CCDC69: variants seen among roughly 807,000 people sequenced by gnomAD.
CCDC69 encodes the protein coiled-coil domain-containing protein 69.
In CCDC69, 38 loss-of-function variants were observed where a neutral mutation model predicts 40.3. The observed-to-expected ratio is 0.94, with a 90% CI of 0.73 to 1.24. The LOEUF is 1.24. CCDC69 is among the 50% of genes most tolerant of loss of function. The probability of loss-of-function intolerance (pLI) is 0.00; values close to 1 mark genes in which losing one functional copy is unlikely to be tolerated. For missense variants in CCDC69, 389 were observed against 357.9 expected (o/e 1.09, Z -0.70); for synonymous variants, 141 against 138.9 (o/e 1.02, Z -0.11).
rs374011229 is a variant in CCDC69 at position 151,181,728 on chromosome 5, C to T, written c.*1709G>A. 4.6e-5 allele frequency: 7 copies of T among 152,324 alleles called. No individual in the cohort carries two copies. Among genetic ancestry groups the T allele is most frequent in the African/African-American group, 1.4e-4 (6 of 41,564 alleles). The allele number at this position is 152,324 out of a possible 1,614,324, so 9.4% of individuals were successfully genotyped here. ...TTTAGGTGTCCCCAAATAACTTGGC[C>T]ACCAATCATGTCTACTCCTGGACAT... On this transcript the variant is annotated 3_prime_UTR_variant, in exon 9 of 9. Transcript: ENST00000355417.
At chr5:151,184,245 C>A in intron 8 of CCDC69, 99 bp downstream of exon 8, 2 of 866,048 alleles carry the variant, frequency 2.3e-6, no homozygotes, top group South Asian at 2.8e-5. Flanking sequence ...CCTGGGCCCA[C>A]CTGTCAGTCC....
intron 4 of CCDC69, among the ~76,000 whole-genome samples, chr5:151,196,846 G>GT: frequency 6.6e-6 from 1 of 152,300 alleles, no homozygotes; most frequent in Non-Finnish European, 1.5e-5. Flanking sequence ...CAGAATGATC[G>GT]TATGACCCAG....
chr5:151,203,360 T>A (rs1371583080), intron 2 of CCDC69, among the ~76,000 whole-genome samples: 2 of 150,710 alleles, frequency 1.3e-5, no homozygotes, highest in Non-Finnish European at 3.0e-5. Flanking sequence ...TACAAAAAAA[T>A]TTAGGTGGGC....
At chr5:151,210,552 A>AAAAATT (rs1457817194) in intron 1 of CCDC69, 1 of 152,104 alleles carries the variant, frequency 6.6e-6, no homozygotes, top group African/African-American at 2.4e-5. Flanking sequence ...CCAAAAAATA[A>AAAAATT]AAAATTAAAA....
intron 1 of CCDC69, among the ~76,000 whole-genome samples, chr5:151,216,341 T>G (rs2114003788): frequency 6.6e-6 from 1 of 151,616 alleles, no homozygotes; most frequent in Non-Finnish European, 1.5e-5. Context: ...CTCCAGAGAA[T>G]GGACTAAAAT....
In CCDC69 at chr5:151,183,104, T is replaced by C. The variant is rs1200339438; in HGVS notation, c.*333A>G. 2 of 503,548 alleles carry C rather than the reference T, an allele frequency of 4.0e-6. No individual in the cohort carries two copies. Among genetic ancestry groups the C allele is most frequent in the South Asian group, 1.5e-5 (1 of 64,966 alleles). 31.2% of individuals were successfully genotyped at this position (503,548 alleles called of 1,614,324 possible). On this transcript the variant is annotated 3_prime_UTR_variant, in exon 9 of 9. Transcript: ENST00000355417. ...CTGGGACCAGGGGCTGTCTCCTTTA[T>C]GTCAAATGGCCAGCGTGACACAGAC...
intron 1 of CCDC69, 23 bp downstream of exon 1, chr5:151,223,900 A>G: frequency 6.3e-7 from 1 of 1,589,362 alleles, no homozygotes; most frequent in African/African-American, 1.4e-5. Flanking sequence ...CTGAAAGCAA[A>G]CTTCTCCGCC....
rs187592890 is a variant in CCDC69, at chr5:151,201,583, T to C, written c.230A>G (p.Gln77Arg). 3 of 1,607,258 alleles carry C rather than the reference T, an allele frequency of 1.9e-6. No homozygotes were observed. Among genetic ancestry groups the C allele is most frequent in the African/African-American group, 2.7e-5 (2 of 74,904 alleles). The change falls in exon 3 of 9, where the codon CAG (glutamine) becomes CGG (arginine). Residue 77 changes from glutamine to arginine, a missense_variant and splice_region_variant. Physicochemically the swap from Gln to Arg is conservative, Grantham distance 43. Coordinates refer to ENST00000355417, the MANE Select transcript of CCDC69 (RefSeq NM_015621.3). Reference protein sequence around the residue: ...HEEEKKKWAQQVEKERELELR... With the variant: ...HEEEKKKWAQRVEKERELELR... Reference sequence around the variant, plus strand: ...GGGGGTGGGGGCACCTGGACTTACCTGTTGTGCCCATTTCTTCTTTTCCTC... The same window carrying C: ...GGGGGTGGGGGCACCTGGACTTACCCGTTGTGCCCATTTCTTCTTTTCCTC...
At chr5:151,187,719 C>T (rs1752545472) in intron 4 of CCDC69, among the ~76,000 whole-genome samples, 1 of 152,196 alleles carries the variant, frequency 6.6e-6, no homozygotes, top group Non-Finnish European at 1.5e-5. Flanking sequence ...GGGTGCCATC[C>T]ACACCTCACT....
chr5:151,196,216 A>T (rs1752697497), intron 4 of CCDC69, among the ~76,000 whole-genome samples: 1 of 152,086 alleles, frequency 6.6e-6, no homozygotes, highest in African/African-American at 2.4e-5. Context: ...CAGTGGTGAG[A>T]TCTTGGCTCA....
At chr5:151,213,739 T>G (rs1752989666) in intron 1 of CCDC69, among the ~76,000 whole-genome samples, 1 of 152,146 alleles carries the variant, frequency 6.6e-6, no homozygotes, top group Non-Finnish European at 1.5e-5. Context: ...ATCACTCCAT[T>G]CTGTTTGTCA....
chr5:151,205,511 A>T, intron 1 of CCDC69, 36 bp from the exon 2 acceptor site: 1 of 1,582,362 alleles, frequency 6.3e-7, no homozygotes, highest in Non-Finnish European at 8.7e-7. Context: ...GCGTGGGTAG[A>T]GGGTGGGAGG....
chr5:151,194,786 G>A (rs758244991), intron 4 of CCDC69, among the ~76,000 whole-genome samples: 2 of 151,488 alleles, frequency 1.3e-5, no homozygotes, highest in South Asian at 2.1e-4. Context: ...CCAGTTACTC[G>A]GGAGGCTCAG....
intron 1 of CCDC69, among the ~76,000 whole-genome samples, chr5:151,212,503 A>T (rs1013263131): frequency 1.3e-5 from 2 of 152,192 alleles, no homozygotes; most frequent in African/African-American, 4.8e-5. Flanking sequence ...TCAAAAGCAG[A>T]CAGAGTCAGG....
At chr5:151,194,994 A>G (rs248447) in intron 4 of CCDC69, among the ~76,000 whole-genome samples, 1 of 151,704 alleles carries the variant, frequency 6.6e-6, no homozygotes, top group South Asian at 2.1e-4. Context: ...TTTAAAAAAT[A>G]AAAAAAAGAC....
chr5:151,203,749 C>A (rs1435509996), intron 2 of CCDC69, among the ~76,000 whole-genome samples: 1 of 129,894 alleles, frequency 7.7e-6, no homozygotes, highest in Non-Finnish European at 1.6e-5. Context: ...ATAATATATA[C>A]TAATAAAATC....
intron 1 of CCDC69, among the ~76,000 whole-genome samples, chr5:151,221,344 G>C (rs763188203): frequency 6.6e-6 from 1 of 152,180 alleles, no homozygotes; most frequent in Non-Finnish European, 1.5e-5. Flanking sequence ...GCTTTCAGTG[G>C]CTCAGCCTTT....
chr5:151,219,318 C>A (rs888229365), intron 1 of CCDC69, among the ~76,000 whole-genome samples: 1 of 152,096 alleles, frequency 6.6e-6, no homozygotes. Flanking sequence ...AAGTGCCTAA[C>A]CCCCGCCCCC....
intron 1 of CCDC69, among the ~76,000 whole-genome samples, chr5:151,211,566 A>G (rs751716084): frequency 3.7e-4 from 46 of 125,372 alleles, no homozygotes; most frequent in Non-Finnish European, 6.8e-4. Flanking sequence ...TCTGTTGCCC[A>G]GGCTGGAGTG....
Sources: gnomAD v4.1 joint callset for allele counts (sites outside exome capture counted in the v4.1 genomes callset) on GRCh38, gnomAD v4.1.1 for gene constraint, MANE v1.5 for transcripts, NCBI Gene and HGNC (gene_info 2026-07-23, HGNC 2026-07-21) for gene names.